Variants in DIP2C observed in about 807,000 individuals in gnomAD.
DIP2C encodes disco-interacting protein 2 homolog C.
In DIP2C, 33 loss-of-function variants were observed where a neutral mutation model predicts 192.4. The observed-to-expected ratio is 0.17, with a 90% CI of 0.13 to 0.23. The LOEUF is 0.23. Among genes scored for constraint, DIP2C ranks in the 10% least tolerant of loss-of-function variants. DIP2C has a pLI of 1.00. For missense variants in DIP2C, 1,537 were observed against 2,110.1 expected, an observed-to-expected ratio of 0.73 and a Z score of 5.32; for synonymous variants, 979 against 864.1, an observed-to-expected ratio of 1.13 and a Z score of -2.33.
intron 1 of DIP2C, among the ~76,000 whole-genome samples, chr10:554,667 G>A (rs1848750033): frequency 6.6e-6 from 1 of 152,208 alleles, no homozygotes; most frequent in Non-Finnish European, 1.5e-5. Flanking sequence ...GGCTGCCGTG[G>A]AGTCCTAGAA....
Position 525,459 on chromosome 10 carries a change from A to G in DIP2C, c.86-38929T>C, listed in dbSNP as rs143547457. On this transcript the variant is annotated intron_variant, in intron 1 of 36. Coordinates refer to ENST00000280886, the MANE Select transcript of DIP2C (RefSeq NM_014974.3). Reference sequence around the variant, plus strand: ...AGTACAGATACTAATTAGTAAAACAACAGCAAAGTCTACGGCACTTCTCAT... The same window carrying G: ...AGTACAGATACTAATTAGTAAAACAGCAGCAAAGTCTACGGCACTTCTCAT... 1.9e-3 allele frequency among the ~76,000 whole-genome samples: 284 copies of G among 152,368 alleles called. 3 individuals carry two copies. The highest frequency in any genetic ancestry group is 6.0e-3 in the African/African-American group (249 of 41,594).
At chr10:595,697 C>T (rs1851661218) in intron 1 of DIP2C, among the ~76,000 whole-genome samples, 1 of 152,232 alleles carries the variant, frequency 6.6e-6, no homozygotes, top group Non-Finnish European at 1.5e-5. Context: ...GTCCGCAGGA[C>T]CCGCGCCCAC....
At chr10:603,330 A>AAAAAC (rs1852228954) in intron 1 of DIP2C, among the ~76,000 whole-genome samples, 1 of 128,086 alleles carries the variant, frequency 7.8e-6, no homozygotes, top group African/African-American at 3.3e-5. Context: ...AAAAAAAAAA[A>AAAAAC]AAACCAACCA....
intron 31 of DIP2C, chr10:311,690 G>T (rs1956573804): frequency 1.4e-6 from 1 of 716,576 alleles, no homozygotes; most frequent in Non-Finnish European, 1.9e-6. Flanking sequence ...GAAGAGGGAG[G>T]GGTGGGGAGG....
chr10:673,819 GC>G (rs2119037970), intron 1 of DIP2C, among the ~76,000 whole-genome samples: 1 of 152,332 alleles, frequency 6.6e-6, no homozygotes, highest in East Asian at 1.9e-4. Flanking sequence ...GCCGTCTCCT[GC>G]CCCAGGTGCG....
intron 1 of DIP2C, among the ~76,000 whole-genome samples, chr10:618,171 T>C (rs983547754): frequency 6.6e-6 from 1 of 152,276 alleles, no homozygotes; most frequent in Non-Finnish European, 1.5e-5. Flanking sequence ...GTTACACATC[T>C]GCCAAGTTGT....
At chr10:581,709 C>T (rs1588515510) in intron 1 of DIP2C, among the ~76,000 whole-genome samples, 1 of 152,134 alleles carries the variant, frequency 6.6e-6, no homozygotes, top group Admixed American at 6.5e-5. Flanking sequence ...CCGGGGCTGG[C>T]TGGTTGTCAG....
intron 5 of DIP2C, among the ~76,000 whole-genome samples, chr10:419,807 AACC>A (rs1966055817): frequency 6.6e-6 from 1 of 152,186 alleles, no homozygotes; most frequent in Non-Finnish European, 1.5e-5. Flanking sequence ...TCATTCAAAA[AACC>A]ACGTTACACC....
intron 1 of DIP2C, among the ~76,000 whole-genome samples, chr10:510,271 T>C (rs1018792110): frequency 9.9e-5 from 15 of 152,178 alleles, no homozygotes; most frequent in Non-Finnish European, 1.9e-4. Context: ...TTGGAGAAAC[T>C]AAATGATAAA....
chr10:405,543 C>T (rs1024318465), intron 9 of DIP2C, among the ~76,000 whole-genome samples: 12 of 152,292 alleles, frequency 7.9e-5, no homozygotes, highest in African/African-American at 2.2e-4. Flanking sequence ...GTTGTACTTA[C>T]ATCATTTTTG....
rs75852384 is a variant in DIP2C, at chr10:603,427, C to A, written c.85+86067G>T. Reference sequence around the variant, plus strand: ...AGGTCGCCTAACACTGACTCAGGACCTCTGTCTCTGATGTGCTTGAAGTTT... The same window carrying A: ...AGGTCGCCTAACACTGACTCAGGACATCTGTCTCTGATGTGCTTGAAGTTT... On this transcript the variant is annotated intron_variant, in intron 1 of 36. Transcript: ENST00000280886. 2.5e-3 allele frequency among the ~76,000 whole-genome samples: 383 copies of A among 150,292 alleles called. 1 individual carries two copies. Among genetic ancestry groups the A allele is most frequent in the Middle Eastern group, 0.01 (3 of 286 alleles).
chr10:471,041 C>T (rs17159564), intron 3 of DIP2C, among the ~76,000 whole-genome samples: 3,391 of 152,216 alleles, frequency 0.022, 125 homozygotes, highest in African/African-American at 0.077. Context: ...CTCCGAGACA[C>T]CCACATGAGT....
chr10:562,381 T>C (rs1027413026), intron 1 of DIP2C, among the ~76,000 whole-genome samples: 26 of 152,254 alleles, frequency 1.7e-4, no homozygotes, highest in Admixed American at 6.5e-5. Flanking sequence ...TGAATCACTA[T>C]TTCAAGGAGG....
At chr10:493,079 C>T (rs1337120550) in intron 1 of DIP2C, among the ~76,000 whole-genome samples, 1 of 152,230 alleles carries the variant, frequency 6.6e-6, no homozygotes, top group African/African-American at 2.4e-5. Context: ...ACTGCAGCCT[C>T]GAAACACCCC....
Position 479,051 on chromosome 10 carries a change from G to A in DIP2C, c.158-6502C>T, listed in dbSNP as rs186294680. On this transcript the variant is annotated intron_variant, in intron 2 of 36. Transcript: ENST00000280886. ...GCTCTGGGCCCTTAGTGAAACTGCC[G>A]GGGATTTTTCTGTATTTTCAGGTCT... Among the ~76,000 whole-genome samples the A allele has an allele frequency of 3.3e-4, 50 of 152,262 alleles. No individual in the cohort carries two copies. In the East Asian group the frequency reaches 4.2e-3, roughly 13 times the overall value.
chr10:658,260 G>GCTGGACCTGCCC (rs1212247088), intron 1 of DIP2C, among the ~76,000 whole-genome samples: 4 of 120,114 alleles, frequency 3.3e-5, no homozygotes, highest in South Asian at 2.9e-4. Context: ...TGGACCTGAT[G>GCTGGACCTGCCC]CTGGACCTGC....
Position 399,099 on chromosome 10 carries a change from C to T in DIP2C, c.1260+10G>A. On this transcript the variant is annotated intron_variant, in intron 10 of 36. Transcript: ENST00000280886. ...TCAGCGAGAAACCGAGCAAAGGGCG[C>T]ATTCCTTACCTTCCTGGTGAGCGGC... 1 of 1,608,772 alleles carries T rather than the reference C, an allele frequency of 6.2e-7. No homozygotes were observed. The highest frequency in any genetic ancestry group is 1.1e-5 in the South Asian group (1 of 90,974).
intron 1 of DIP2C, among the ~76,000 whole-genome samples, chr10:640,141 G>A (rs187989967): frequency 2.2e-4 from 34 of 152,236 alleles, no homozygotes; most frequent in Admixed American, 1.9e-3. Flanking sequence ...GTCCCTCCAC[G>A]CATCCGCACC....
chr10:317,834 A>ATCCAAAAACACTGGTAGAATTCGAATGT (rs1956841196), intron 31 of DIP2C, among the ~76,000 whole-genome samples: 1 of 152,246 alleles, frequency 6.6e-6, no homozygotes, highest in South Asian at 2.1e-4. Context: ...CACGTGAGAC[A>ATCCAAAAACACTGGTAGAATTCGAATGT]TCCAAAAACA....
Sources: allele counts gnomAD v4.1 joint callset (sites outside exome capture counted in the v4.1 genomes callset), GRCh38; gene constraint gnomAD v4.1.1; transcripts MANE v1.5; gene names NCBI Gene and HGNC (gene_info 2026-07-23, HGNC 2026-07-21).